FRK: variants seen among roughly 807,000 people sequenced by gnomAD.
The protein encoded by FRK is fyn related Src family tyrosine kinase.
In FRK, 51 loss-of-function variants were observed where a neutral mutation model predicts 56.4. The ratio of observed to expected loss-of-function variants is 0.90; its 90% CI spans 0.72 to 1.14. The LOEUF (loss-of-function observed/expected upper bound fraction) is 1.14, where lower values mean the gene tolerates loss of function less well. Ranked by LOEUF, FRK falls within the 50% of genes most tolerant of loss-of-function variation. The pLI, the probability that FRK is intolerant of heterozygous loss-of-function variation, is 0.00. For missense variants in FRK, 570 were observed against 601.4 expected (o/e 0.95, Z 0.55); for synonymous variants, 245 against 217.9 (o/e 1.12, Z -1.10).
chr6:115,974,117 T>A (rs994774555), intron 2 of FRK, among the ~76,000 whole-genome samples: 11 of 152,146 alleles, frequency 7.2e-5, no homozygotes, highest in Non-Finnish European at 1.6e-4. Flanking sequence ...TTGGAAATGA[T>A]GGGAAGCAAT....
rs77355175 is a variant in FRK at position 115,948,455 on chromosome 6, G to T, written c.959-4030C>A. 6.5e-3 allele frequency among the ~76,000 whole-genome samples: 984 copies of T among 152,236 alleles called. 11 individuals are homozygous for T. The highest frequency in any genetic ancestry group is 0.022 in the African/African-American group (919 of 41,548). ...AGAAACTGTGAGATAATAAACATTT[G>T]CTGCTTTAAGCCACTAAGTTTTACA... On this transcript the variant is annotated intron_variant, in intron 5 of 7. Transcript: ENST00000606080.
At chr6:116,094,378 C>G in the FRK span, among the ~76,000 whole-genome samples, 1 of 152,252 alleles carries the variant, frequency 6.6e-6, no homozygotes, top group Non-Finnish European at 1.5e-5. Flanking sequence ...ACTGGCGTGG[C>G]TTTCTCAGTG....
At chr6:116,033,285 A>C (rs527248726) in intron 1 of FRK, among the ~76,000 whole-genome samples, 5 of 152,322 alleles carry the variant, frequency 3.3e-5, no homozygotes, top group Non-Finnish European at 1.5e-5. Flanking sequence ...AAAACTGGCT[A>C]TGTTTACCAA....
At chr6:115,958,704 G>GAAAGAAAGAAAGAAAGAAGGAAGAAAGA (rs5879359) in intron 4 of FRK, among the ~76,000 whole-genome samples, 1 of 6,960 alleles carries the variant, frequency 1.4e-4, no homozygotes, top group African/African-American at 4.0e-4. Context: ...AAGAAAGAAA[G>GAAAGAAAGAAAGAAAGAAGGAAGAAAGA]AAGAAAGAAA....
intron 1 of FRK, among the ~76,000 whole-genome samples, chr6:116,026,678 G>A (rs1776106795): frequency 6.6e-6 from 1 of 151,872 alleles, no homozygotes; most frequent in South Asian, 2.1e-4. Context: ...GTCTTTCAAG[G>A]AGCCAAATTC....
the FRK span, among the ~76,000 whole-genome samples, chr6:116,086,349 T>C: frequency 3.9e-4 from 60 of 152,340 alleles, no homozygotes; most frequent in African/African-American, 1.3e-3. Flanking sequence ...ATGAATCTCA[T>C]GATAAAATCC....
At chr6:116,097,012 C>T in the FRK span, among the ~76,000 whole-genome samples, 1 of 152,006 alleles carries the variant, frequency 6.6e-6, no homozygotes, top group Non-Finnish European at 1.5e-5. Flanking sequence ...AATTCACACA[C>T]CAAAAAACCA....
intron 2 of FRK, among the ~76,000 whole-genome samples, chr6:115,988,186 G>A (rs1462882660): frequency 1.3e-5 from 2 of 152,062 alleles, no homozygotes; most frequent in Non-Finnish European, 2.9e-5. Flanking sequence ...CTTCATGATT[G>A]ACAGGATGCT....
chr6:116,071,285 G>A, the FRK span, among the ~76,000 whole-genome samples: 1 of 152,250 alleles, frequency 6.6e-6, no homozygotes, highest in African/African-American at 2.4e-5. Flanking sequence ...TCTGTAATAT[G>A]TGCTCTACTC....
chr6:116,068,483 A>C, the FRK span, among the ~76,000 whole-genome samples: 1 of 152,220 alleles, frequency 6.6e-6, no homozygotes, highest in Non-Finnish European at 1.5e-5. Flanking sequence ...GGAACTTAGA[A>C]GACATCAAAA....
intron 1 of FRK, among the ~76,000 whole-genome samples, chr6:116,036,190 T>C (rs2114774560): frequency 6.6e-6 from 1 of 152,280 alleles, no homozygotes; most frequent in South Asian, 2.1e-4. Context: ...AGTTTCCTTC[T>C]TTGCTTAGAC....
chr6:116,004,517 C>G (rs1775181178), intron 1 of FRK, among the ~76,000 whole-genome samples: 1 of 152,138 alleles, frequency 6.6e-6, no homozygotes, highest in African/African-American at 2.4e-5. Context: ...CCACCACTGT[C>G]CAACCCTGCC....
At chr6:115,982,916 A>T (rs1000938751) in intron 2 of FRK, among the ~76,000 whole-genome samples, 2 of 152,038 alleles carry the variant, frequency 1.3e-5, no homozygotes, top group East Asian at 3.9e-4. Context: ...TACTAAAAAT[A>T]CAAAATTTAG....
At chr6:116,074,032 G>A in the FRK span, among the ~76,000 whole-genome samples, 1 of 151,832 alleles carries the variant, frequency 6.6e-6, no homozygotes, top group Non-Finnish European at 1.5e-5. Context: ...GATCAGCAAA[G>A]CTACTGCAGA....
At chr6:115,971,164 C>T (rs1251371865) in intron 2 of FRK, among the ~76,000 whole-genome samples, 1 of 152,062 alleles carries the variant, frequency 6.6e-6, no homozygotes, top group Non-Finnish European at 1.5e-5. Flanking sequence ...AATGGGGAAT[C>T]GAGTCTCCAA....
In FRK at chr6:115,938,945, G is replaced by C. The variant is rs913556333; in HGVS notation, c.*3469C>G. On this transcript the variant is annotated 3_prime_UTR_variant, in exon 8 of 8. Transcript: ENST00000606080. ...CTTTCTGAAACTATTCCAAACAATA[G>C]GAAAAGAGGGACTCCTCCCTAACTC... The C allele has an allele frequency of 4.0e-5, 6 of 151,744 alleles. No individual in the cohort carries two copies. The highest frequency in any genetic ancestry group is 8.8e-5 in the Non-Finnish European group (6 of 68,004). 9.4% of individuals were successfully genotyped at this position (151,744 alleles called of 1,614,324 possible). A position where few individuals can be genotyped will look rare whatever the true frequency, so the allele number is the denominator to read the frequency against.
chr6:116,010,868 G>C (rs895304215), intron 1 of FRK, among the ~76,000 whole-genome samples: 41 of 152,182 alleles, frequency 2.7e-4, no homozygotes, highest in African/African-American at 9.9e-4. Flanking sequence ...TGTTGGATTT[G>C]AGGTCATGCT....
At chr6:116,012,297 A>G (rs1775503162) in intron 1 of FRK, among the ~76,000 whole-genome samples, 1 of 152,168 alleles carries the variant, frequency 6.6e-6, no homozygotes, top group Non-Finnish European at 1.5e-5. Context: ...CTGGAAATTC[A>G]GGCCTTCCAC....
Position 116,003,972 on chromosome 6 carries a change from G to T in FRK, c.371C>A (p.Ser124Ter). The T allele has an allele frequency of 6.2e-7, 1 of 1,612,532 alleles. No homozygotes were observed. Among genetic ancestry groups the T allele is most frequent in the South Asian group, 1.1e-5 (1 of 91,008 alleles). Residue 124 changes from serine (S) to a stop codon, truncating the protein, a stop_gained, in exon 2 of 8, where the codon TCA becomes TAA. Coordinates refer to ENST00000606080, the MANE Select transcript of FRK (RefSeq NM_002031.3). LOFTEE classifies it high-confidence loss of function. ...ATATAATAGTTGTTTCTCTGCATCT[G>T]ATCTTCCGATTGCTCCAAAGAACCA... The part of the protein sequence containing the change: ...EPWFFGAIGR[S>*]DAEKQLLYSE...
Sources: gnomAD v4.1 joint callset for allele counts (sites outside exome capture counted in the v4.1 genomes callset) on GRCh38, gnomAD v4.1.1 for gene constraint, MANE v1.5 for transcripts, NCBI Gene and HGNC (gene_info 2026-07-23, HGNC 2026-07-21) for gene names.